Variants in PDE4DIP observed in about 807,000 individuals in gnomAD.
PDE4DIP encodes myomegalin.
A neutral mutation model predicts 221.4 loss-of-function variants in PDE4DIP; 59 were observed. The observed-to-expected ratio is 0.27, with a 90% CI of 0.22 to 0.33. The LOEUF is 0.33. Among genes scored for constraint, PDE4DIP ranks in the 10% least tolerant of loss-of-function variants. The pLI is 1.00. For missense variants in PDE4DIP, 1,036 were observed against 2,154.2 expected, an observed-to-expected ratio of 0.48 and a Z score of 10.28; for synonymous variants, 404 against 815.9, an observed-to-expected ratio of 0.50 and a Z score of 8.60.
intron 21 of PDE4DIP, among the ~76,000 whole-genome samples, chr1:148,991,225 C>A (rs2062978942): frequency 2.0e-5 from 3 of 151,606 alleles, no homozygotes; most frequent in Admixed American, 6.6e-5. Context: ...TGGGTTAAAT[C>A]CCACGGGGAT....
chr1:149,032,242 A>G (rs2076934108), exon 44 of PDE4DIP: 14 of 620,810 alleles, frequency 2.3e-5, no homozygotes, highest in South Asian at 1.8e-4. Context: ...GCACTAAGAA[A>G]AAGATGCGTA....
chr1:148,978,360 A>C (rs782243093), exon 19 of PDE4DIP: 24 of 1,612,542 alleles, frequency 1.5e-5, no homozygotes, highest in Non-Finnish European at 2.0e-5. Context: ...CTTCGGGAAA[A>C]AGTTGCTTCA....
intron 1 of PDE4DIP, among the ~76,000 whole-genome samples, chr1:148,915,096 T>C (rs1177386281): frequency 1.3e-5 from 2 of 150,588 alleles, no homozygotes; most frequent in African/African-American, 2.5e-5. Context: ...GATGGATTGA[T>C]ATGGCGGTAA....
rs1358841584 is a variant in PDE4DIP at position 148,929,380 on chromosome 1, T to C, written c.218+107T>C. ...TAACCTATCTGTGGCATTTGAATCC[T>C]GTATCTGATTCAGGAACTGAAACAA... is the stretch of plus-strand genomic sequence containing the variant. On this transcript the variant is annotated intron_variant, in intron 2 of 43. Transcript: ENST00000369354. 41 of 1,427,826 alleles carry C rather than the reference T, an allele frequency of 2.9e-5. No individual in the cohort carries two copies. The East Asian group carries it at 9.1e-4, about 32-fold the overall frequency. 88.4% of individuals were successfully genotyped at this position (1,427,826 alleles called of 1,614,324 possible).
rs1457587808 is a variant in PDE4DIP at position 149,030,140 on chromosome 1, A to G, written c.6953-92A>G. ...GGAGACTCCAAGCTGAATAGCCAGA[A>G]AGAAATAAATGCTTTAGAATTCTCA... On this transcript the variant is annotated intron_variant, in intron 42 of 43. Transcript: ENST00000369354. 67 of 1,110,104 alleles carry G rather than the reference A, an allele frequency of 6.0e-5. No individual in the cohort carries two copies. The Middle Eastern group carries it at 8.8e-4, about 15-fold the overall frequency. The allele number at this position is 1,110,104 out of a possible 1,614,324, so 68.8% of individuals were successfully genotyped here.
chr1:148,902,764 T>A (rs2040942151), intron 1 of PDE4DIP, among the ~76,000 whole-genome samples: 1 of 106,582 alleles, frequency 9.4e-6, no homozygotes, highest in Non-Finnish European at 1.8e-5. Flanking sequence ...TATATATATG[T>A]GTGTGTATAT....
chr1:148,983,712 A>G (rs1342923339), intron 21 of PDE4DIP: 1 of 152,522 alleles, frequency 6.6e-6, no homozygotes, highest in Non-Finnish European at 1.5e-5. Flanking sequence ...ATACTGGATT[A>G]TTTTACCTTT....
intron 21 of PDE4DIP, chr1:148,984,553 T>G (rs2061594514): frequency 6.6e-6 from 1 of 152,116 alleles, no homozygotes; most frequent in Non-Finnish European, 1.5e-5. Flanking sequence ...TTTATGCTCA[T>G]TCATCCTCCT....
At chr1:148,970,702 ACT>A (rs1278904169) in intron 14 of PDE4DIP, among the ~76,000 whole-genome samples, 1 of 151,838 alleles carries the variant, frequency 6.6e-6, no homozygotes, top group African/African-American at 2.4e-5. Flanking sequence ...ACTGCTAAAA[ACT>A]CTTAAATACT....
At chr1:148,984,525 A>T (rs587595253) in intron 21 of PDE4DIP, 1 of 152,220 alleles carries the variant, frequency 6.6e-6, no homozygotes, top group East Asian at 1.9e-4. Context: ...GCCGATGTAC[A>T]TAAAAAAACC....
At position 149,023,805 on chromosome 1, in the gene PDE4DIP, T is replaced by C. The variant is rs7523097; in HGVS notation, c.6086-640T>C. The stretch of plus-strand genomic sequence containing the variant: ...ACATATATATGTACATGTATATGTG[T>C]GCACATATATATGTACATGTATATG... On this transcript the variant is annotated intron_variant, in intron 37 of 43. Coordinates refer to ENST00000369354, the Ensembl canonical transcript of PDE4DIP. Among the ~76,000 whole-genome samples the C allele has an allele frequency of 7.7e-3, 710 of 92,740 alleles. 45 individuals are homozygous for C. Among genetic ancestry groups the C allele is most frequent in the Middle Eastern group, 0.011 (2 of 176 alleles). The allele number at this position is 92,740 out of a possible 152,430, so 60.8% of individuals were successfully genotyped here.
intron 5 of PDE4DIP, among the ~76,000 whole-genome samples, chr1:148,948,650 T>C (rs2052392426): frequency 6.7e-6 from 1 of 150,334 alleles, no homozygotes; most frequent in Non-Finnish European, 1.5e-5. Flanking sequence ...GGGAAACACA[T>C]AGTTTTATTT....
chr1:148,916,974 C>A (rs587666101), intron 1 of PDE4DIP, among the ~76,000 whole-genome samples: 1 of 149,258 alleles, frequency 6.7e-6, no homozygotes, highest in Admixed American at 6.6e-5. Context: ...TGGGGCATTA[C>A]AGGGGCTCCA....
Position 148,857,172 on chromosome 1 carries a change from A to G in PDE4DIP, c.234-6078A>G, listed in dbSNP as rs1339178047. ...TTAGGAAGAGCAATGTAAATTCAAT[A>G]AAAATAGATTATTCAAACTTTTTAA... On this transcript the variant is annotated intron_variant, in intron 1 of 45. Transcript: ENST00000524974. 4.2e-5 allele frequency among the ~76,000 whole-genome samples: 3 copies of G among 70,822 alleles called. 1 individual carries two copies. Among genetic ancestry groups the G allele is most frequent in the Non-Finnish European group, 7.3e-5 (3 of 40,994 alleles). The allele number at this position is 70,822 out of a possible 152,430, so 46.5% of individuals were successfully genotyped here.
intron 5 of PDE4DIP, among the ~76,000 whole-genome samples, chr1:148,958,755 TG>T (rs1390915416): frequency 1.3e-5 from 2 of 151,356 alleles, no homozygotes; most frequent in East Asian, 3.9e-4. Context: ...GATAACATTT[TG>T]GATATATTGG....
exon 31 of PDE4DIP, chr1:149,010,450 C>T (rs1553604125): frequency 6.2e-7 from 1 of 1,613,124 alleles, no homozygotes; most frequent in Non-Finnish European, 8.5e-7. Context: ...TAGATTCCAT[C>T]CATCATTCGA....
chr1:148,959,257 TATATG>T (rs1450968452), intron 5 of PDE4DIP, among the ~76,000 whole-genome samples: 18 of 149,192 alleles, frequency 1.2e-4, no homozygotes, highest in Admixed American at 2.7e-4. Flanking sequence ...GTGCAACAGA[TATATG>T]TTATGTCAGC....
intron 1 of PDE4DIP, among the ~76,000 whole-genome samples, chr1:148,923,474 TTTG>T (rs1399248738): frequency 7.5e-5 from 11 of 145,736 alleles, no homozygotes; most frequent in South Asian, 2.3e-4. Context: ...GTTATTTGTT[TTTG>T]TTGTTGTTGT....
intron 9 of PDE4DIP, among the ~76,000 whole-genome samples, chr1:148,963,793 G>A (rs587690862): frequency 2.2e-5 from 2 of 92,322 alleles, no homozygotes; most frequent in African/African-American, 9.3e-5. Context: ...TCGCTCTGTC[G>A]CCCAGGCTGG....
Sources: gnomAD v4.1 joint callset for allele counts (sites outside exome capture counted in the v4.1 genomes callset) on GRCh38, gnomAD v4.1.1 for gene constraint, MANE v1.5 for transcripts, NCBI Gene and HGNC (gene_info 2026-07-23, HGNC 2026-07-21) for gene names.